The following ABCG5 variants were observed in gnomAD, a reference collection of about 807,000 sequenced individuals.
ABCG5 encodes ATP binding cassette subfamily G member 5, also known as ATP-binding cassette sub-family G member 5.
In ABCG5, 64 loss-of-function variants were observed where a neutral mutation model predicts 64.5. That is an observed-to-expected ratio of 0.99 (90% CI 0.81 to 1.22). The LOEUF (loss-of-function observed/expected upper bound fraction) is 1.22. Among genes scored for constraint, ABCG5 ranks in the 50% most tolerant of loss-of-function variants. The pLI, the probability that ABCG5 is intolerant of heterozygous loss-of-function variation, is 0.00. For missense variants in ABCG5, 908 were observed against 829.5 expected, an observed-to-expected ratio of 1.09 and a Z score of -1.16; for synonymous variants, 385 against 326.3, an observed-to-expected ratio of 1.18 and a Z score of -1.94.
At chr2:43,823,178 A>G (rs1197754473) in intron 9 of ABCG5, among the ~76,000 whole-genome samples, 2 of 152,168 alleles carry the variant, frequency 1.3e-5, no homozygotes, top group East Asian at 3.8e-4. Flanking sequence ...TTCTCTCTAA[A>G]GTGGGGAGTT....
At chr2:43,832,244 T>A in intron 2 of ABCG5, 161 bp from the exon 3 acceptor site, 1 of 966,404 alleles carries the variant, frequency 1.0e-6, no homozygotes. Context: ...GGCCCTGCCC[T>A]ATGGAACGCG....
In ABCG5 at chr2:43,823,952, C is replaced by T. The variant is rs779125742; in HGVS notation, c.1285G>A (p.Ala429Thr). The change falls in exon 9 of 13, where the codon GCC becomes ACC. Residue 429 changes from alanine (A) to threonine (T), a missense_variant. Transcript: ENST00000405322. ...TTCAGCATGCCTGTGTACGGGGTGG[C>T]GCCCACAAACTGGTAAAGGAGACCT... ...RVGLLYQFVG[A>T]TPYTGMLNAV... 1.4e-5 allele frequency: 23 copies of T among 1,614,048 alleles called. No individual in the cohort carries two copies. The highest frequency in any genetic ancestry group is 1.6e-4 in the Middle Eastern group (1 of 6,082).
intron 2 of ABCG5, 49 bp downstream of exon 2, chr2:43,837,785 A>G: frequency 6.2e-7 from 1 of 1,611,536 alleles, no homozygotes; most frequent in Non-Finnish European, 8.5e-7. Context: ...TTCAATGTGG[A>G]GTTTAACTCA....
rs201302611 is a variant in ABCG5 at position 43,824,357 on chromosome 2, G to A, written c.980C>T (p.Ser327Phe). Residue 327 changes from serine (S) to phenylalanine (F), a missense_variant, in exon 8 of 13, where the codon TCT becomes TTT. Transcript: ENST00000405322. ...ETSKRVQMIESAYKKSAICHK... is the reference protein window; with the variant it reads ...ETSKRVQMIEFAYKKSAICHK... ...ACAAATTGCTGATTTCTTGTAGGCAGATTCTATCATCTGGACTCTCTTGGA... is the reference window on the plus strand; with the variant it reads ...ACAAATTGCTGATTTCTTGTAGGCAAATTCTATCATCTGGACTCTCTTGGA... 3 of 1,614,154 alleles carry A rather than the reference G, an allele frequency of 1.9e-6. No individual in the cohort carries two copies. In the East Asian group the frequency reaches 6.7e-5, roughly 36 times the overall value.
rs1240428201 is a variant in ABCG5 at position 43,813,314 on chromosome 2, C to T, written c.1763-5G>A. ...TCACAGAAACATTTGAGCTGCCTGT[C>T]AAGGAAAAGATTGACAGTGTCAGGT... On this transcript the variant is annotated splice_region_variant and splice_polypyrimidine_tract_variant and intron_variant, in intron 12 of 12. Coordinates refer to ENST00000405322, the MANE Select transcript of ABCG5 (RefSeq NM_022436.3). 4 of 1,602,070 alleles carry T rather than the reference C, an allele frequency of 2.5e-6. No homozygotes were observed. The highest frequency in any genetic ancestry group is 2.2e-5 in the East Asian group (1 of 44,800).
intron 2 of ABCG5, among the ~76,000 whole-genome samples, chr2:43,835,686 G>A (rs1397504796): frequency 1.3e-5 from 2 of 152,252 alleles, no homozygotes; most frequent in East Asian, 3.9e-4. Context: ...AGATGATTAG[G>A]TTATGGAGAG....
In ABCG5 at chr2:43,812,553, A is replaced by G. The variant is rs1384667832; in HGVS notation, c.*563T>C. The G allele has an allele frequency of 6.4e-6, 1 of 155,100 alleles. No homozygotes were observed. Among genetic ancestry groups the G allele is most frequent in the African/African-American group, 2.4e-5 (1 of 41,412 alleles). 9.6% of individuals were successfully genotyped at this position (155,100 alleles called of 1,614,324 possible). ...GTGCTCTGTAGCAGTGGTGCTCACC[A>G]TCCATCTGCCCAGCACTCTCTCGAT... On this transcript the variant is annotated 3_prime_UTR_variant, in exon 13 of 13. Transcript: ENST00000405322.
intron 9 of ABCG5, among the ~76,000 whole-genome samples, chr2:43,823,357 C>G (rs1185636382): frequency 7.1e-6 from 1 of 140,088 alleles, no homozygotes; most frequent in Non-Finnish European, 1.5e-5. Flanking sequence ...GATGCAGACA[C>G]TTAGCATTGC....
At chr2:43,819,096 A>G (rs2104779336) in intron 11 of ABCG5, among the ~76,000 whole-genome samples, 1 of 152,322 alleles carries the variant, frequency 6.6e-6, no homozygotes, top group South Asian at 2.1e-4. Context: ...ACTTTTATAT[A>G]GTAGATGCTC....
downstream of ABCG5, chr2:43,809,690 A>G (rs1666412110): frequency 6.3e-7 from 1 of 1,590,862 alleles, no homozygotes. Context: ...AAAGTGATAC[A>G]TATTTTTGTT....
intron 4 of ABCG5, among the ~76,000 whole-genome samples, chr2:43,829,639 C>T (rs72796727): frequency 6.6e-6 from 1 of 152,182 alleles, no homozygotes; most frequent in African/African-American, 2.4e-5. Flanking sequence ...CTGTTTCTGT[C>T]CCCCTGTACT....
At chr2:43,824,474 A>C in intron 7 of ABCG5, 42 bp from the exon 8 acceptor site, 3 of 1,607,846 alleles carry the variant, frequency 1.9e-6, no homozygotes, top group Non-Finnish European at 2.5e-6. Context: ...GTGTTTTTAA[A>C]TGCATGTATG....
downstream of ABCG5, among the ~76,000 whole-genome samples, chr2:43,810,902 TA>T (rs1301108990): frequency 3.9e-5 from 6 of 152,234 alleles, no homozygotes; most frequent in African/African-American, 1.4e-4. Flanking sequence ...GAATTGTTAT[TA>T]TGTAATTTGA....
chr2:43,832,189 A>G (rs1477621446), intron 2 of ABCG5, 106 bp from the exon 3 acceptor site: 21 of 1,457,998 alleles, frequency 1.4e-5, no homozygotes, highest in Non-Finnish European at 2.0e-5. Flanking sequence ...CATGAGTGCT[A>G]CATGACGGAC....
At chr2:43,832,895 C>T (rs138155395) in intron 2 of ABCG5, among the ~76,000 whole-genome samples, 1 of 152,114 alleles carries the variant, frequency 6.6e-6, no homozygotes, top group South Asian at 2.1e-4. Context: ...CTGCAACCTC[C>T]GCCTCTCAGG....
upstream of ABCG5, chr2:43,839,135 G>C: frequency 6.4e-7 from 1 of 1,551,054 alleles, no homozygotes; most frequent in Non-Finnish European, 8.7e-7. Flanking sequence ...GCAATGGGAA[G>C]TCGGCCCAGG....
At chr2:43,828,471 A>G (rs1667761837) in intron 4 of ABCG5, 2 of 222,154 alleles carry the variant, frequency 9.0e-6, no homozygotes, top group South Asian at 7.3e-5. Flanking sequence ...CCCTGTCTCT[A>G]CAAAAAAAAA....
Position 43,824,941 on chromosome 2 carries a change from GAA to G in ABCG5, c.850_851del (p.Phe284GlnfsTer2). 6.2e-7 allele frequency: 1 copy of G among 1,614,064 alleles called. No homozygotes were observed. Among genetic ancestry groups the G allele is most frequent in the East Asian group, 2.2e-5 (1 of 44,844 alleles). On this transcript the variant is annotated frameshift_variant, in exon 7 of 13. Coordinates refer to ENST00000405322, the MANE Select transcript of ABCG5 (RefSeq NM_022436.3). LOFTEE classifies it high-confidence loss of function. The part of the protein sequence containing the change: ...CGTPAEMLDF[F>X]NDCGYPCPEH... ...CAGGACAAGGGTAACCGCAGTCATTGAAGAAATCAAGCATTTCCGCTGGCGTG... is the reference window on the plus strand; with the variant it reads ...CAGGACAAGGGTAACCGCAGTCATTGGAAATCAAGCATTTCCGCTGGCGTG...
intron 5 of ABCG5, 48 bp from the exon 6 acceptor site, chr2:43,826,569 C>A (rs765354616): frequency 1.4e-5 from 23 of 1,613,660 alleles, no homozygotes; most frequent in Non-Finnish European, 1.9e-5. Context: ...AGAGCCCAGG[C>A]TCTGTGCTTA....
Sources: gnomAD v4.1 joint callset for allele counts (sites outside exome capture counted in the v4.1 genomes callset) on GRCh38, gnomAD v4.1.1 for gene constraint, MANE v1.5 for transcripts, NCBI Gene and HGNC (gene_info 2026-07-23, HGNC 2026-07-21) for gene names.